The following NUP153 variants were observed in gnomAD, a reference collection of about 807,000 sequenced individuals.
NUP153 encodes the protein nucleoporin 153.
In NUP153, 27 loss-of-function variants were observed where a neutral mutation model predicts 134.6. That is an observed-to-expected ratio of 0.20 (90% CI 0.15 to 0.28). NUP153 has a LOEUF of 0.28. Ranked by LOEUF, NUP153 falls within the 10% of genes least tolerant of loss-of-function variation. The pLI is 1.00. For synonymous variants in NUP153, 640 were observed against 623.5 expected (o/e 1.03, Z -0.40); for missense variants, 1,821 against 1,731.3 (o/e 1.05, Z -0.92).
intron 1 of NUP153, among the ~76,000 whole-genome samples, chr6:17,699,591 C>G (rs1769914542): frequency 6.6e-6 from 1 of 152,028 alleles, no homozygotes; most frequent in South Asian, 2.1e-4. Flanking sequence ...AATCCCAGCA[C>G]TTTGGGAAGC....
At chr6:17,674,328 G>A (rs529065998) in intron 5 of NUP153, among the ~76,000 whole-genome samples, 5 of 151,880 alleles carry the variant, frequency 3.3e-5, no homozygotes, top group East Asian at 1.9e-4. Flanking sequence ...TAATTTATAC[G>A]TCATTTAAAA....
intron 5 of NUP153, among the ~76,000 whole-genome samples, chr6:17,670,753 A>C (rs1328852438): frequency 6.6e-6 from 1 of 152,192 alleles, no homozygotes; most frequent in African/African-American, 2.4e-5. Flanking sequence ...TTATGTATCT[A>C]TAGAGATGTT....
intron 19 of NUP153, 102 bp from the exon 20 acceptor site, chr6:17,624,935 G>C: frequency 8.5e-7 from 1 of 1,179,886 alleles, no homozygotes; most frequent in South Asian, 1.7e-5. Flanking sequence ...CTTCGTTTCA[G>C]ACTCTTACCT....
chr6:17,649,188 T>C lies in NUP153; in HGVS notation c.1508A>G (p.Asn503Ser), dbSNP rs147936475. The C allele has an allele frequency of 5.6e-5, 90 of 1,613,564 alleles. 1 individual carries two copies. The African/African-American group carries it at 8.3e-4, about 15-fold the overall frequency. The change falls in exon 12 of 22, where the codon AAT becomes AGT. Residue 503 changes from asparagine (N) to serine (S), a missense_variant. Physicochemically the swap from Asn to Ser is conservative, Grantham distance 46 (BLOSUM62 1). Transcript: ENST00000262077. ...CTTGTTTGTTAATGCTTGAGACGAA[T>C]TGATGGGTGATGGAGAGGAAGTTGT... Reference protein sequence around the residue: ...EITTSSPSPINSSQALTNKVQ... With the variant: ...EITTSSPSPISSSQALTNKVQ...
chr6:17,667,702 C>T (rs1053925120), intron 8 of NUP153, among the ~76,000 whole-genome samples: 1 of 151,954 alleles, frequency 6.6e-6, no homozygotes, highest in Non-Finnish European at 1.5e-5. Context: ...GGTGACAGAG[C>T]GAGACGCTGC....
chr6:17,632,867 G>T (rs1031766563), intron 16 of NUP153, 23 bp from the exon 17 acceptor site: 2 of 1,197,298 alleles, frequency 1.7e-6, no homozygotes, highest in South Asian at 2.9e-5. Flanking sequence ...AAAAAAACGG[G>T]GAGTGGGGGG....
chr6:17,671,137 T>C (rs13210614), intron 5 of NUP153, among the ~76,000 whole-genome samples: 10,984 of 152,264 alleles, frequency 0.072, 490 homozygotes, highest in Admixed American at 0.11. Flanking sequence ...TGAGTCAACC[T>C]TGCCTTCCCA....
chr6:17,689,854 A>G (rs1483026910), intron 1 of NUP153, among the ~76,000 whole-genome samples: 1 of 152,122 alleles, frequency 6.6e-6, no homozygotes, highest in Non-Finnish European at 1.5e-5. Context: ...GAAGAAAGGG[A>G]AAGTAATGTG....
intron 11 of NUP153, among the ~76,000 whole-genome samples, chr6:17,654,439 A>G (rs2113806167): frequency 6.6e-6 from 1 of 151,872 alleles, no homozygotes; most frequent in South Asian, 2.1e-4. Context: ...CTCCTGCCTC[A>G]GCCTCCCAAG....
At chr6:17,631,496 C>T (rs2113776029) in intron 17 of NUP153, among the ~76,000 whole-genome samples, 1 of 152,330 alleles carries the variant, frequency 6.6e-6, no homozygotes, top group South Asian at 2.1e-4. Context: ...TTCTCATCAT[C>T]TACCCCCCAT....
At chr6:17,701,403 C>T (rs1186333777) in intron 1 of NUP153, among the ~76,000 whole-genome samples, 2 of 152,032 alleles carry the variant, frequency 1.3e-5, no homozygotes, top group African/African-American at 2.4e-5. Flanking sequence ...GTAGCTCACA[C>T]CCATAATCCC....
rs1421369102 is a variant in NUP153, at chr6:17,657,988, G to A, written c.1395+3665C>T. ...TGTTAGACAAAAGACAAGTTCGAGC[G>A]ATTTTCTTATTCGAGTTCAAAATGG... On this transcript the variant is annotated intron_variant, in intron 11 of 21. Transcript: ENST00000262077. 9.2e-5 allele frequency among the ~76,000 whole-genome samples: 14 copies of A among 152,312 alleles called. No homozygotes were observed. In the East Asian group the frequency reaches 9.6e-4, roughly 10 times the overall value.
In NUP153 at chr6:17,629,053, T is replaced by A. The variant is rs150448927; in HGVS notation, c.3146A>T (p.Asn1049Ile). The change falls in exon 18 of 22, where the codon AAC becomes ATC. Residue 1049 changes from asparagine to isoleucine, a missense_variant. Transcript: ENST00000262077. ...IVTSENKSSF[N>I]LGTIETKSAS... is the part of the protein sequence containing the mutation. Reference sequence around the variant, plus strand: ...ACTCTTGGTTTCTATGGTTCCAAGGTTGAAGCTGCTCTTGTTCTCAGAGGT... The same window carrying A: ...ACTCTTGGTTTCTATGGTTCCAAGGATGAAGCTGCTCTTGTTCTCAGAGGT... 2 of 1,614,232 alleles carry A rather than the reference T, an allele frequency of 1.2e-6. No individual in the cohort carries two copies. Among genetic ancestry groups the A allele is most frequent in the East Asian group, 2.2e-5 (1 of 44,882 alleles).
chr6:17,644,309 C>T (rs1035405302), intron 14 of NUP153, among the ~76,000 whole-genome samples: 1 of 152,170 alleles, frequency 6.6e-6, no homozygotes, highest in African/African-American at 2.4e-5. Flanking sequence ...ACATGCCACT[C>T]CAACCCACAC....
At chr6:17,676,448 G>A (rs1265438774) in intron 2 of NUP153, among the ~76,000 whole-genome samples, 2 of 145,808 alleles carry the variant, frequency 1.4e-5, no homozygotes, top group South Asian at 2.2e-4. Flanking sequence ...AATTTAATGC[G>A]TGTTGAAGTT....
rs1446179120 is a variant in NUP153 at position 17,669,607 on chromosome 6, A to G, written c.853-61T>C. On this transcript the variant is annotated intron_variant, in intron 5 of 21. Coordinates refer to ENST00000262077, the MANE Select transcript of NUP153 (RefSeq NM_005124.4). ...AAAATCTAAGGCACATATTTCATGC[A>G]GTGAAAATATTTACAAGATAGAATG... 3 of 1,126,998 alleles carry G rather than the reference A, an allele frequency of 2.7e-6. No homozygotes were observed. The African/African-American group carries it at 4.6e-5, about 17-fold the overall frequency. 69.8% of individuals were successfully genotyped at this position (1,126,998 alleles called of 1,614,324 possible).
In NUP153 at chr6:17,629,034, G is replaced by A. The variant is rs140542389; in HGVS notation, c.3165C>T (p.Thr1055=). Residue 1055 remains threonine (T), a synonymous_variant, in exon 18 of 22, where the codon ACC becomes ACT. Transcript: ENST00000262077. ...KSSFNLGTIE[T]KSASVAPFTC... ...TGAAAGGAGCCACTGAAGCACTCTT[G>A]GTTTCTATGGTTCCAAGGTTGAAGC... 3.1e-6 allele frequency: 5 copies of A among 1,614,026 alleles called. No homozygotes were observed. Among genetic ancestry groups the A allele is most frequent in the African/African-American group, 1.3e-5 (1 of 74,906 alleles).
rs936173044 is a variant in NUP153 at position 17,651,845 on chromosome 6, G to C, written c.1396-2545C>G. 18 of 659,718 alleles carry C rather than the reference G, an allele frequency of 2.7e-5. No individual in the cohort carries two copies. In the African/African-American group the frequency reaches 2.8e-4, roughly 10 times the overall value. The allele number at this position is 659,718 out of a possible 1,614,324, so 40.9% of individuals were successfully genotyped here. Reference sequence around the variant, plus strand: ...ATGGTAGCACATACCTGTAATCTCAGCACTTTGAGAGGCCAAGATGGGATG... The same window carrying C: ...ATGGTAGCACATACCTGTAATCTCACCACTTTGAGAGGCCAAGATGGGATG... On this transcript the variant is annotated intron_variant, in intron 11 of 21. Coordinates refer to ENST00000262077, the MANE Select transcript of NUP153 (RefSeq NM_005124.4).
intron 20 of NUP153, among the ~76,000 whole-genome samples, chr6:17,624,182 G>A (rs1764796474): frequency 6.6e-6 from 1 of 152,138 alleles, no homozygotes; most frequent in Admixed American, 6.6e-5. Context: ...CAGCGGGACT[G>A]CCCCAGGAGA....
Sources: allele counts gnomAD v4.1 joint callset (sites outside exome capture counted in the v4.1 genomes callset), GRCh38; gene constraint gnomAD v4.1.1; transcripts MANE v1.5; gene names NCBI Gene and HGNC (gene_info 2026-07-23, HGNC 2026-07-21).